Variants in CD1B observed in about 807,000 individuals in gnomAD.
The protein encoded by CD1B is T-cell surface glycoprotein CD1b.
A neutral mutation model predicts 39.8 loss-of-function variants in CD1B; 43 were observed. That is an observed-to-expected ratio of 1.08 (90% confidence interval 0.85 to 1.39). The LOEUF is 1.39. CD1B is among the 40% of genes most tolerant of loss of function. The pLI is 0.00. For missense variants in CD1B, 495 were observed against 403.8 expected (o/e 1.23, Z -1.94); for synonymous variants, 192 against 152.5 (o/e 1.26, Z -1.91).
rs1004279329 is a variant in CD1B at position 158,329,931 on chromosome 1, C to G, written c.528G>C (p.Val176=). Residue 176 remains valine (V), a synonymous_variant, in exon 3 of 6, where the codon GTG becomes GTC. Coordinates refer to ENST00000368168, the MANE Select transcript of CD1B (RefSeq NM_001764.3). The part of the protein sequence containing the change: ...IIQYQGIMET[V]RILLYETCPR... ...GGCAGGTTTCATAGAGGAGAATTCTCACAGTTTCCATGATACCTTGATATT... is the reference window on the plus strand; with the variant it reads ...GGCAGGTTTCATAGAGGAGAATTCTGACAGTTTCCATGATACCTTGATATT... 1.2e-6 allele frequency: 2 copies of G among 1,614,080 alleles called. No homozygotes were observed. Among genetic ancestry groups the G allele is most frequent in the Non-Finnish European group, 8.5e-7 (1 of 1,179,984 alleles).
chr1:158,323,327 G>C (rs550809138), downstream of CD1B, among the ~76,000 whole-genome samples: 2 of 151,622 alleles, frequency 1.3e-5, no homozygotes, highest in South Asian at 4.2e-4. Context: ...TTAGCTCTAG[G>C]ATTTCTGTTA....
At chr1:158,290,067 G>C in the CD1B span, 2 of 1,613,870 alleles carry the variant, frequency 1.2e-6, no homozygotes, top group Non-Finnish European at 1.7e-6. Flanking sequence ...CAAATGACAT[G>C]CTGTTTCTGC....
At chr1:158,329,726 T>C (rs1358051721) in intron 3 of CD1B, 78 bp from the exon 4 acceptor site, 9 of 1,572,090 alleles carry the variant, frequency 5.7e-6, no homozygotes, top group Non-Finnish European at 6.9e-6. Flanking sequence ...CCTACAAGCT[T>C]GGACAGCGAC....
rs182213715 is a variant in CD1B at position 158,328,208 on chromosome 1, C to T, written c.*28G>A. On this transcript the variant is annotated 3_prime_UTR_variant, in exon 6 of 6. Coordinates refer to ENST00000368168, the MANE Select transcript of CD1B (RefSeq NM_001764.3). Reference sequence around the variant, plus strand: ...ATCTTGGGCTTCTTGGTACTTATTGCGAATGGGAGAGGAGACATGATGATG... The same window carrying T: ...ATCTTGGGCTTCTTGGTACTTATTGTGAATGGGAGAGGAGACATGATGATG... The T allele has an allele frequency of 5.7e-4, 902 of 1,589,340 alleles. 4 individuals carry two copies. The highest frequency in any genetic ancestry group is 3.8e-3 in the South Asian group (335 of 89,084).
downstream of CD1B, among the ~76,000 whole-genome samples, chr1:158,323,948 C>A (rs1197874239): frequency 6.6e-6 from 1 of 152,138 alleles, no homozygotes; most frequent in East Asian, 1.9e-4. Context: ...CAAGGAGTTT[C>A]AGAAAAATGG....
downstream of CD1B, among the ~76,000 whole-genome samples, chr1:158,324,428 T>C (rs942701655): frequency 6.6e-6 from 1 of 152,194 alleles, no homozygotes; most frequent in Non-Finnish European, 1.5e-5. Flanking sequence ...TACCTCCTAT[T>C]CCACCATCTT....
the CD1B span, among the ~76,000 whole-genome samples, chr1:158,287,560 A>T: frequency 6.6e-6 from 1 of 152,106 alleles, no homozygotes; most frequent in Non-Finnish European, 1.5e-5. Context: ...CACTCCATTT[A>T]GGGTCCAGTA....
the CD1B span, among the ~76,000 whole-genome samples, chr1:158,313,765 G>C: frequency 1.3e-5 from 2 of 152,096 alleles, no homozygotes; most frequent in Admixed American, 6.6e-5. Flanking sequence ...TAAAATATTT[G>C]GTAGAATTCA....
At chr1:158,309,060 G>A in the CD1B span, among the ~76,000 whole-genome samples, 2 of 152,094 alleles carry the variant, frequency 1.3e-5, no homozygotes, top group Non-Finnish European at 2.9e-5. Flanking sequence ...CAGAATGGGA[G>A]AAAACTTTTG....
chr1:158,292,123 A>C, the CD1B span: 1 of 1,614,124 alleles, frequency 6.2e-7, no homozygotes, highest in Non-Finnish European at 8.5e-7. Flanking sequence ...TGTGAGCTGC[A>C]TTCTGGAAAG....
At chr1:158,295,948 C>G in the CD1B span, among the ~76,000 whole-genome samples, 1 of 152,142 alleles carries the variant, frequency 6.6e-6, no homozygotes, top group African/African-American at 2.4e-5. Flanking sequence ...TGCATGGAGA[C>G]CTCACCACTG....
chr1:158,288,722 C>T, the CD1B span, among the ~76,000 whole-genome samples: 1 of 152,160 alleles, frequency 6.6e-6, no homozygotes, highest in Non-Finnish European at 1.5e-5. Flanking sequence ...TAAGTGACTG[C>T]TCCAATGCAT....
chr1:158,327,932 A>C (rs1335552891), downstream of CD1B: 1 of 258,258 alleles, frequency 3.9e-6, no homozygotes, highest in Non-Finnish European at 7.2e-6. Context: ...TAAATTAGGA[A>C]GCCAAAGGGA....
At chr1:158,313,184 C>T in the CD1B span, among the ~76,000 whole-genome samples, 1 of 152,112 alleles carries the variant, frequency 6.6e-6, no homozygotes, top group Non-Finnish European at 1.5e-5. Context: ...TCCTTGCATC[C>T]CTGGAATGAA....
At chr1:158,309,727 A>G in the CD1B span, among the ~76,000 whole-genome samples, 1 of 152,088 alleles carries the variant, frequency 6.6e-6, no homozygotes, top group South Asian at 2.1e-4. Flanking sequence ...AAACTATTGC[A>G]AGGACAAAAA....
intron 5 of CD1B, 100 bp from the exon 6 acceptor site, chr1:158,328,357 CAA>C: frequency 1.1e-6 from 1 of 921,352 alleles, no homozygotes; most frequent in African/African-American, 1.7e-5. Context: ...GAAAGCAACC[CAA>C]GTGTCCATAG....
intron 1 of CD1B, 78 bp from the exon 2 acceptor site, chr1:158,331,140 G>A (rs1182098137): frequency 1.4e-6 from 2 of 1,421,656 alleles, no homozygotes; most frequent in African/African-American, 1.4e-5. Flanking sequence ...GAATGAAAAT[G>A]ATTTAGAAAA....
the CD1B span, among the ~76,000 whole-genome samples, chr1:158,295,110 TA>T: frequency 2.6e-5 from 4 of 152,044 alleles, no homozygotes; most frequent in Admixed American, 2.6e-4. Flanking sequence ...GCCAAAAATA[TA>T]TAAAATTAAA....
the CD1B span, among the ~76,000 whole-genome samples, chr1:158,312,194 C>T: frequency 1.3e-5 from 2 of 152,126 alleles, no homozygotes; most frequent in Admixed American, 6.6e-5. Context: ...CCATAATTCC[C>T]ATATGTTGTG....
Sources: gnomAD v4.1 joint callset for allele counts (sites outside exome capture counted in the v4.1 genomes callset) on GRCh38, gnomAD v4.1.1 for gene constraint, MANE v1.5 for transcripts, NCBI Gene and HGNC (gene_info 2026-07-23, HGNC 2026-07-21) for gene names.